The following TMEFF2 variants were observed in gnomAD, a reference collection of about 807,000 sequenced individuals.
TMEFF2 encodes tomoregulin-2.
A neutral mutation model predicts 53.8 loss-of-function variants in TMEFF2; 28 were observed. The observed-to-expected ratio is 0.52, with a 90% CI of 0.39 to 0.71. The LOEUF is 0.71. Among genes scored for constraint, TMEFF2 ranks in the 30% least tolerant of loss-of-function variants. TMEFF2 has a pLI of 0.00. For synonymous variants in TMEFF2, 162 were observed against 166.3 expected (o/e 0.97, Z 0.20); for missense variants, 353 against 455.2 (o/e 0.78, Z 2.04).
At position 191,963,509 on chromosome 2, in the gene TMEFF2, C is replaced by CA. The variant is rs1413647056; in HGVS notation, c.746-7132dup. 2.0e-5 allele frequency among the ~76,000 whole-genome samples: 3 copies of CA among 152,288 alleles called. No homozygotes were observed. The East Asian group carries it at 5.8e-4, about 29-fold the overall frequency. On this transcript the variant is annotated intron_variant, in intron 7 of 9. Coordinates refer to ENST00000272771, the MANE Select transcript of TMEFF2 (RefSeq NM_016192.4). Reference sequence around the variant, plus strand: ...CGTGTGCAGAAATGGATAGTCAAGACAAACCTCCTCAGGTGATGTAACCGT... The same window carrying CA: ...CGTGTGCAGAAATGGATAGTCAAGACAAAACCTCCTCAGGTGATGTAACCGT...
chr2:192,091,133 C>T (rs1049706547), intron 4 of TMEFF2, among the ~76,000 whole-genome samples: 2 of 152,152 alleles, frequency 1.3e-5, no homozygotes, highest in Admixed American at 6.6e-5. Context: ...AGTATCACGT[C>T]TGCTGCCAGG....
At chr2:192,093,181 G>A (rs1014009203) in intron 4 of TMEFF2, among the ~76,000 whole-genome samples, 2 of 152,134 alleles carry the variant, frequency 1.3e-5, no homozygotes, top group East Asian at 3.9e-4. Flanking sequence ...TACCCAGTGT[G>A]TCCCTGATCT....
At chr2:192,081,120 C>T (rs1290521716) in intron 4 of TMEFF2, among the ~76,000 whole-genome samples, 2 of 152,098 alleles carry the variant, frequency 1.3e-5, no homozygotes, top group African/African-American at 4.8e-5. Flanking sequence ...TAGGGACTAT[C>T]CAAAACACAC....
chr2:191,996,874 G>A (rs1257870947), intron 7 of TMEFF2, among the ~76,000 whole-genome samples: 1 of 151,892 alleles, frequency 6.6e-6, no homozygotes, highest in Non-Finnish European at 1.5e-5. Context: ...TTAGCCACGG[G>A]TTGGTGTTAC....
At chr2:192,145,131 T>G (rs957388160) in intron 4 of TMEFF2, among the ~76,000 whole-genome samples, 3 of 151,998 alleles carry the variant, frequency 2.0e-5, no homozygotes, top group Non-Finnish European at 2.9e-5. Flanking sequence ...CAAGGAACAC[T>G]AAATTATATA....
chr2:192,002,725 G>A lies in TMEFF2; in HGVS notation c.537-3517C>T, dbSNP rs1686397877. 2.0e-5 allele frequency among the ~76,000 whole-genome samples: 3 copies of A among 152,246 alleles called. No homozygotes were observed. In the South Asian group the frequency reaches 6.2e-4, roughly 32 times the overall value. Reference sequence around the variant, plus strand: ...GGCACCTGTAATCCCAGCTACTCAGGAGGCTGAGGCAGGAGAATCACTTGA... The same window carrying A: ...GGCACCTGTAATCCCAGCTACTCAGAAGGCTGAGGCAGGAGAATCACTTGA... On this transcript the variant is annotated intron_variant, in intron 5 of 9. Transcript: ENST00000272771.
chr2:192,060,700 T>C (rs1688023801), intron 4 of TMEFF2, among the ~76,000 whole-genome samples: 2 of 152,194 alleles, frequency 1.3e-5, no homozygotes, highest in Admixed American at 6.5e-5. Flanking sequence ...CTTCTTTCTC[T>C]TCTTTCTACA....
intron 4 of TMEFF2, among the ~76,000 whole-genome samples, chr2:192,112,903 T>C (rs904802309): frequency 7.2e-5 from 11 of 152,272 alleles, no homozygotes; most frequent in African/African-American, 2.4e-4. Context: ...AAGTAAGACA[T>C]GCCTTTCACC....
At chr2:192,143,108 G>A (rs1690175147) in intron 4 of TMEFF2, among the ~76,000 whole-genome samples, 1 of 152,126 alleles carries the variant, frequency 6.6e-6, no homozygotes, top group African/African-American at 2.4e-5. Flanking sequence ...AAATTAACTT[G>A]CTGCTGCTCA....
At chr2:192,111,167 C>T (rs1032932578) in intron 4 of TMEFF2, among the ~76,000 whole-genome samples, 2 of 151,994 alleles carry the variant, frequency 1.3e-5, no homozygotes, top group African/African-American at 4.8e-5. Flanking sequence ...AATGTGAAAG[C>T]GACTTTGGAA....
intron 4 of TMEFF2, among the ~76,000 whole-genome samples, chr2:192,172,641 T>C (rs1690944291): frequency 6.6e-6 from 1 of 151,970 alleles, no homozygotes; most frequent in Admixed American, 6.6e-5. Flanking sequence ...AGGGGAAAAG[T>C]AATAGAATAG....
At chr2:192,156,443 G>C (rs1461957146) in intron 4 of TMEFF2, among the ~76,000 whole-genome samples, 1 of 151,898 alleles carries the variant, frequency 6.6e-6, no homozygotes, top group African/African-American at 2.4e-5. Flanking sequence ...GGCATTTCCA[G>C]TATTCAAACC....
At chr2:191,996,040 T>C (rs1169945611) in intron 7 of TMEFF2, among the ~76,000 whole-genome samples, 1 of 151,872 alleles carries the variant, frequency 6.6e-6, no homozygotes, top group Non-Finnish European at 1.5e-5. Context: ...AAATGCCAAT[T>C]AAGAACAGTG....
At chr2:191,966,575 C>T (rs1181893119) in intron 7 of TMEFF2, among the ~76,000 whole-genome samples, 1 of 152,118 alleles carries the variant, frequency 6.6e-6, no homozygotes, top group African/African-American at 2.4e-5. Context: ...GTGTGTATAG[C>T]ATTGTCCAGA....
intron 4 of TMEFF2, among the ~76,000 whole-genome samples, chr2:192,114,064 T>TTGTGTGTGTGTGTGTGTGTG (rs34553641): frequency 7.0e-6 from 1 of 143,060 alleles, no homozygotes; most frequent in Non-Finnish European, 1.5e-5. Flanking sequence ...AATCTGGAAA[T>TTGTGTGTGTGTGTGTGTGTG]TGTGTGTGTG....
Position 192,087,218 on chromosome 2 carries a change from C to A in TMEFF2, c.440-29443G>T, listed in dbSNP as rs76949423. 7.2e-4 allele frequency among the ~76,000 whole-genome samples: 110 copies of A among 152,122 alleles called. 1 individual carries two copies. Among genetic ancestry groups the A allele is most frequent in the African/African-American group, 2.6e-3 (108 of 41,510 alleles). ...GAGTAATTCATTCACTATGTCTTAA[C>A]TTTGCAAGATATTTAATCCCCAACC... On this transcript the variant is annotated intron_variant, in intron 4 of 9. Transcript: ENST00000272771.
At chr2:192,024,533 A>T (rs918658990) in intron 5 of TMEFF2, among the ~76,000 whole-genome samples, 26 of 152,280 alleles carry the variant, frequency 1.7e-4, no homozygotes, top group African/African-American at 6.0e-4. Context: ...AAATTTTAAA[A>T]TTTGAGTTAG....
intron 8 of TMEFF2, among the ~76,000 whole-genome samples, chr2:191,955,834 C>A (rs1304087872): frequency 1.3e-5 from 2 of 151,942 alleles, no homozygotes; most frequent in Non-Finnish European, 2.9e-5. Flanking sequence ...ACCTGAAGGA[C>A]TTAGGAAAAG....
At chr2:192,161,915 T>C (rs1690643258) in intron 4 of TMEFF2, among the ~76,000 whole-genome samples, 1 of 152,212 alleles carries the variant, frequency 6.6e-6, no homozygotes. Context: ...AAATTACATT[T>C]GGCATGATGA....
Sources: allele counts gnomAD v4.1 joint callset (sites outside exome capture counted in the v4.1 genomes callset), GRCh38; gene constraint gnomAD v4.1.1; transcripts MANE v1.5; gene names NCBI Gene and HGNC (gene_info 2026-07-23, HGNC 2026-07-21).